PRR16: variants seen among roughly 807,000 people sequenced by gnomAD.
PRR16 encodes the protein proline rich 16.
A neutral mutation model predicts 18.2 loss-of-function variants in PRR16; 6 were observed. The observed-to-expected ratio is 0.33, with a 90% CI of 0.18 to 0.65. The LOEUF (loss-of-function observed/expected upper bound fraction) is 0.65, where lower values mean the gene tolerates loss of function less well. Ranked by LOEUF, PRR16 falls within the 30% of genes least tolerant of loss-of-function variation. The probability of loss-of-function intolerance (pLI) is 0.74; values close to 1 mark genes in which losing one functional copy is unlikely to be tolerated. For missense variants in PRR16, 412 were observed against 376.6 expected (o/e 1.09, Z -0.78); for synonymous variants, 151 against 147.8 (o/e 1.02, Z -0.16).
chr5:120,525,736 A>G (rs1751325324), intron 1 of PRR16, among the ~76,000 whole-genome samples: 1 of 152,028 alleles, frequency 6.6e-6, no homozygotes, highest in African/African-American at 2.4e-5. Flanking sequence ...TGAAACAGGT[A>G]AAGAACATGT....
the PRR16 span, among the ~76,000 whole-genome samples, chr5:120,706,773 A>T: frequency 6.6e-6 from 1 of 152,200 alleles, no homozygotes; most frequent in African/African-American, 2.4e-5. Context: ...AGAAGTTAAG[A>T]TTAGTTCAAT....
chr5:120,773,271 C>G, the PRR16 span, among the ~76,000 whole-genome samples: 2 of 152,110 alleles, frequency 1.3e-5, no homozygotes, highest in African/African-American at 2.4e-5. Context: ...GTATTTCTTA[C>G]AAAGAAGCCT....
chr5:120,793,244 C>T, the PRR16 span, among the ~76,000 whole-genome samples: 1 of 151,978 alleles, frequency 6.6e-6, no homozygotes, highest in Admixed American at 6.6e-5. Context: ...TACGTAGTTC[C>T]TTGTTAATGG....
At chr5:120,627,977 TTAA>T (rs1275202225) in intron 1 of PRR16, among the ~76,000 whole-genome samples, 1 of 152,136 alleles carries the variant, frequency 6.6e-6, no homozygotes, top group Non-Finnish European at 1.5e-5. Context: ...ATTATATTTC[TTAA>T]TAATATTTCC....
chr5:120,691,813 G>T (rs1324559161), downstream of PRR16, among the ~76,000 whole-genome samples: 2 of 152,130 alleles, frequency 1.3e-5, no homozygotes, highest in African/African-American at 2.4e-5. Context: ...GTGGGTCAGG[G>T]TTCATGGCAT....
At chr5:120,619,367 T>C (rs17146844) in intron 1 of PRR16, among the ~76,000 whole-genome samples, 7,758 of 152,194 alleles carry the variant, frequency 0.051, 500 homozygotes, top group African/African-American at 0.15. Flanking sequence ...CTAGGAAAAA[T>C]AATAGTATGG....
chr5:120,511,024 G>T (rs1284278424), intron 1 of PRR16, among the ~76,000 whole-genome samples: 1 of 152,142 alleles, frequency 6.6e-6, no homozygotes, highest in African/African-American at 2.4e-5. Flanking sequence ...TTGGCATACT[G>T]AATGTGGATC....
intron 1 of PRR16, among the ~76,000 whole-genome samples, chr5:120,618,184 T>C (rs991995372): frequency 1.3e-5 from 2 of 152,112 alleles, no homozygotes; most frequent in Admixed American, 6.6e-5. Context: ...TAAAATCAAA[T>C]ATAAAAGATG....
At chr5:120,597,119 C>T (rs34839916) in intron 1 of PRR16, among the ~76,000 whole-genome samples, 13,686 of 151,322 alleles carry the variant, frequency 0.09, 1,300 homozygotes, top group African/African-American at 0.25. Context: ...TTTTTGCTTA[C>T]GTAAGTTATA....
chr5:120,749,555 GTA>G, the PRR16 span, among the ~76,000 whole-genome samples: 1 of 152,098 alleles, frequency 6.6e-6, no homozygotes, highest in East Asian at 1.9e-4. Context: ...TTCAATGAGA[GTA>G]TTTATTTTAG....
At chr5:120,593,453 G>A (rs1753703020) in intron 1 of PRR16, among the ~76,000 whole-genome samples, 1 of 151,796 alleles carries the variant, frequency 6.6e-6, no homozygotes, top group Non-Finnish European at 1.5e-5. Flanking sequence ...TGAACCAGGA[G>A]GAAATTGCTT....
intron 1 of PRR16, among the ~76,000 whole-genome samples, chr5:120,628,695 C>CGTCT (rs1754952838): frequency 2.1e-5 from 3 of 144,590 alleles, no homozygotes; most frequent in Non-Finnish European, 4.5e-5. Flanking sequence ...ATCATTCTAC[C>CGTCT]ATCTATCTAT....
At chr5:120,771,047 T>C in the PRR16 span, among the ~76,000 whole-genome samples, 2 of 151,854 alleles carry the variant, frequency 1.3e-5, no homozygotes, top group Non-Finnish European at 1.5e-5. Flanking sequence ...TAAGATAATA[T>C]AACATTCATT....
At chr5:120,518,064 A>C (rs565298905) in intron 1 of PRR16, among the ~76,000 whole-genome samples, 22 of 152,280 alleles carry the variant, frequency 1.4e-4, no homozygotes, top group African/African-American at 3.6e-4. Flanking sequence ...GCTTGAAACT[A>C]TCTTGTCTGC....
the PRR16 span, among the ~76,000 whole-genome samples, chr5:120,779,165 T>C: frequency 6.6e-6 from 1 of 152,154 alleles, no homozygotes; most frequent in Non-Finnish European, 1.5e-5. Context: ...GAAGGAGGGA[T>C]AAATATCACA....
intron 1 of PRR16, among the ~76,000 whole-genome samples, chr5:120,493,750 CT>C (rs1561515548): frequency 6.6e-6 from 1 of 152,152 alleles, no homozygotes; most frequent in African/African-American, 2.4e-5. Flanking sequence ...TATAATTTAT[CT>C]TTTCAAGATT....
intron 1 of PRR16, among the ~76,000 whole-genome samples, chr5:120,508,179 A>T (rs1179983746): frequency 6.6e-6 from 1 of 152,074 alleles, no homozygotes; most frequent in Non-Finnish European, 1.5e-5. Context: ...CCCTTCCTGG[A>T]ATAAAAATAG....
chr5:120,695,794 C>T, the PRR16 span, among the ~76,000 whole-genome samples: 1 of 152,144 alleles, frequency 6.6e-6, no homozygotes, highest in South Asian at 2.1e-4. Flanking sequence ...TCTGACATGC[C>T]TTGCTGCACC....
the PRR16 span, among the ~76,000 whole-genome samples, chr5:120,709,980 G>A: frequency 6.6e-6 from 1 of 152,030 alleles, no homozygotes; most frequent in African/African-American, 2.4e-5. Flanking sequence ...CTATCTTTTG[G>A]ATATATAACC....
Sources: allele counts gnomAD v4.1 joint callset (sites outside exome capture counted in the v4.1 genomes callset), GRCh38; gene constraint gnomAD v4.1.1; transcripts MANE v1.5; gene names NCBI Gene and HGNC (gene_info 2026-07-23, HGNC 2026-07-21).